The following ODF2 variants were observed in gnomAD, a reference collection of about 807,000 sequenced individuals.
ODF2 encodes the protein outer dense fiber protein 2.
In ODF2, 47 loss-of-function variants were observed where a neutral mutation model predicts 110.2. The ratio of observed to expected loss-of-function variants is 0.43; its 90% confidence interval spans 0.34 to 0.54. The LOEUF (loss-of-function observed/expected upper bound fraction) is 0.54, where lower values mean the gene tolerates loss of function less well. ODF2 is among the 20% of genes least tolerant of loss of function. The pLI is 0.03. For synonymous variants in ODF2, 352 were observed against 397.7 expected (o/e 0.89, Z 1.37); for missense variants, 812 against 1,054.5 (o/e 0.77, Z 3.19).
At chr9:128,492,326 G>T in intron 14 of ODF2, 100 bp from the exon 15 acceptor site, 1 of 803,852 alleles carries the variant, frequency 1.2e-6, no homozygotes, top group Admixed American at 1.9e-5. Context: ...GGTTAGAGTA[G>T]GGGGCCTTTC....
rs764690288 is a variant in ODF2 at position 128,456,158 on chromosome 9, A to G, written c.-306A>G. The G allele has an allele frequency of 1.6e-5, 25 of 1,549,318 alleles. No homozygotes were observed. The South Asian group carries it at 2.9e-4, about 18-fold the overall frequency. On this transcript the variant is annotated 5_prime_UTR_variant, in exon 1 of 21. Coordinates refer to ENST00000604420, the Ensembl canonical transcript of ODF2. ...GCGGGGAGGAGCCGCTGCCAGAGCCAGACTGCATCCGCCGCGGCGTCTCCA... is the reference window on the plus strand; with the variant it reads ...GCGGGGAGGAGCCGCTGCCAGAGCCGGACTGCATCCGCCGCGGCGTCTCCA...
At chr9:128,469,086 C>T (rs1839055646) in intron 4 of ODF2, 97 bp from the exon 5 acceptor site, 14 of 1,222,802 alleles carry the variant, frequency 1.1e-5, no homozygotes, top group East Asian at 2.3e-5. Context: ...GCTGTTACAG[C>T]TTTTCCCGTC....
At chr9:128,499,015 G>A (rs765487126) in exon 20 of ODF2, 1 of 1,614,050 alleles carries the variant, frequency 6.2e-7, no homozygotes, top group East Asian at 2.2e-5. Flanking sequence ...AACAAACCAA[G>A]GAGCACGCAC....
intron 11 of ODF2, among the ~76,000 whole-genome samples, chr9:128,484,465 A>G (rs911417890): frequency 1.3e-5 from 2 of 152,178 alleles, no homozygotes; most frequent in African/African-American, 2.4e-5. Context: ...GTTCTGACCT[A>G]ATATCAAGAC....
chr9:128,496,702 T>A (rs2132295917), intron 18 of ODF2, among the ~76,000 whole-genome samples: 1 of 151,740 alleles, frequency 6.6e-6, no homozygotes, highest in Non-Finnish European at 1.5e-5. Flanking sequence ...GAGGAAAGGG[T>A]CAAGGTAGAG....
chr9:128,488,406 CAG>C (rs545988249), intron 14 of ODF2, among the ~76,000 whole-genome samples: 2 of 152,162 alleles, frequency 1.3e-5, no homozygotes, highest in Non-Finnish European at 2.9e-5. Flanking sequence ...GCCTGGAAAA[CAG>C]AGAGAGACTC....
At chr9:128,479,002 A>G in intron 8 of ODF2, among the ~76,000 whole-genome samples, 1 of 152,180 alleles carries the variant, frequency 6.6e-6, no homozygotes, top group East Asian at 1.9e-4. Context: ...GTTCATGCAC[A>G]TAGGATGGCA....
At chr9:128,484,419 C>T (rs1358931581) in intron 11 of ODF2, among the ~76,000 whole-genome samples, 1 of 152,118 alleles carries the variant, frequency 6.6e-6, no homozygotes, top group Admixed American at 6.6e-5. Context: ...TATCTCTGAC[C>T]ACAAGGCTGG....
At chr9:128,472,619 G>T (rs180762240) in intron 6 of ODF2, among the ~76,000 whole-genome samples, 1 of 152,310 alleles carries the variant, frequency 6.6e-6, no homozygotes, top group East Asian at 1.9e-4. Flanking sequence ...GCGTAGGAGG[G>T]CGTGACAGTG....
chr9:128,499,079 A>G, exon 20 of ODF2: 2 of 1,614,216 alleles, frequency 1.2e-6, no homozygotes, highest in Non-Finnish European at 1.7e-6. Context: ...GACCCAGCTG[A>G]GCAGAACCAA....
At chr9:128,484,631 C>T in intron 11 of ODF2, 70 bp from the exon 12 acceptor site, 2 of 1,493,650 alleles carry the variant, frequency 1.3e-6, no homozygotes, top group East Asian at 2.5e-5. Context: ...CTCCTTCACC[C>T]TCTGCTTTGC....
Position 128,485,279 on chromosome 9 carries a change from A to C in ODF2, c.1291-86A>C. ...TGAGGTTTAGGTTACCAGGGTGAGA[A>C]ACCACCTAGGATGAGCCCGCTCCCA... is the stretch of plus-strand genomic sequence containing the variant. On this transcript the variant is annotated intron_variant, in intron 12 of 20. Coordinates refer to ENST00000604420, the Ensembl canonical transcript of ODF2. The surrounding 1 kb of genome is among the most constrained non-coding windows in gnomAD (Gnocchi z 5.0). 3 of 718,936 alleles carry C rather than the reference A, an allele frequency of 4.2e-6. No homozygotes were observed. The South Asian group carries it at 5.0e-5, about 12-fold the overall frequency. 44.5% of individuals were successfully genotyped at this position (718,936 alleles called of 1,614,324 possible). A position where few individuals can be genotyped will look rare whatever the true frequency, so the allele number is the denominator to read the frequency against.
In ODF2 at chr9:128,491,640, G is replaced by C. The variant is rs953632958; in HGVS notation, c.1537-786G>C. 5.3e-5 allele frequency among the ~76,000 whole-genome samples: 8 copies of C among 151,656 alleles called. No individual in the cohort carries two copies. The South Asian group carries it at 1.7e-3, about 32-fold the overall frequency. ...GGTTGTGCCTTTGCACTCCAGCCTG[G>C]GTGACAGAGCGAGACTCCATCTCAA... On this transcript the variant is annotated intron_variant, in intron 14 of 20. Transcript: ENST00000604420.
intron 10 of ODF2, among the ~76,000 whole-genome samples, 171 bp downstream of exon 10, chr9:128,483,058 G>A (rs1002342577): frequency 1.3e-5 from 2 of 152,138 alleles, no homozygotes; most frequent in African/African-American, 4.8e-5. Context: ...ACCACGCCCA[G>A]CTAATTTTTG....
chr9:128,497,440 AAAAAAAATATATATATATATATAT>A lies in ODF2; in HGVS notation c.2013-971_2013-948del, dbSNP rs1357447690. 609 of 91,000 alleles carry A rather than the reference AAAAAAAATATATATATATATATAT, an allele frequency of 6.7e-3. 16 individuals carry two copies. The highest frequency in any genetic ancestry group is 0.046 in the East Asian group (144 of 3,156). The allele number at this position is 91,000 out of a possible 1,614,324, so 5.6% of individuals were successfully genotyped here. The stretch of plus-strand genomic sequence containing the variant: ...GTCTCTACTAAAAAAAAAAAAAAAA[AAAAAAAATATATATATATATATAT>A]ATATATATATATATATATATATGTA... On this transcript the variant is annotated intron_variant, in intron 18 of 20. Transcript: ENST00000604420.
intron 18 of ODF2, 37 bp from the exon 19 acceptor site, chr9:128,498,376 G>T: frequency 6.7e-7 from 1 of 1,502,934 alleles, no homozygotes. Context: ...TGACAGGTTG[G>T]GGTATGCCCA....
At chr9:128,466,987 A>T in intron 4 of ODF2, among the ~76,000 whole-genome samples, 1 of 17,372 alleles carries the variant, frequency 5.8e-5, no homozygotes, top group Non-Finnish European at 1.0e-4. Context: ...AATTAAAAAA[A>T]AAAAAAAAAA....
chr9:128,472,660 G>T (rs1300314079), intron 6 of ODF2, among the ~76,000 whole-genome samples: 1 of 152,212 alleles, frequency 6.6e-6, no homozygotes, highest in Non-Finnish European at 1.5e-5. Flanking sequence ...GACAATGGTG[G>T]CTGTTTGAGA....
At chr9:128,468,424 G>A (rs1354591051) in intron 4 of ODF2, among the ~76,000 whole-genome samples, 1 of 152,136 alleles carries the variant, frequency 6.6e-6, no homozygotes, top group Non-Finnish European at 1.5e-5. Flanking sequence ...GCATGCAGTG[G>A]TGCTATCATA....
Sources: gnomAD v4.1 joint callset for allele counts (sites outside exome capture counted in the v4.1 genomes callset) on GRCh38, gnomAD v4.1.1 for gene constraint, Gnocchi (gnomAD v3.1) non-coding constraint, MANE v1.5 for transcripts, NCBI Gene and HGNC (gene_info 2026-07-23, HGNC 2026-07-21) for gene names.